EXOC6B: variants seen among roughly 807,000 people sequenced by gnomAD.
EXOC6B encodes exocyst complex component 6B, also known as SEC15 homolog B.
Under a neutral mutation model 113.5 loss-of-function variants are expected in EXOC6B, and 54 were observed. That is an observed-to-expected ratio of 0.48 (90% CI 0.38 to 0.60). The LOEUF (loss-of-function observed/expected upper bound fraction) is 0.60, where lower values mean the gene tolerates loss of function less well. Ranked by LOEUF, EXOC6B falls within the 20% of genes least tolerant of loss-of-function variation. The probability of loss-of-function intolerance (pLI) is 0.00; values close to 1 mark genes in which losing one functional copy is unlikely to be tolerated. For synonymous variants in EXOC6B, 357 were observed against 339.0 expected (o/e 1.05, Z -0.58); for missense variants, 797 against 977.5 (o/e 0.82, Z 2.46).
At chr2:72,765,855 A>C (rs747280147) in intron 1 of EXOC6B, among the ~76,000 whole-genome samples, 1 of 152,190 alleles carries the variant, frequency 6.6e-6, no homozygotes, top group Non-Finnish European at 1.5e-5. Flanking sequence ...GAAAGGGAAC[A>C]AGCAGAAAGT....
chr2:72,223,927 T>C (rs1397596485), intron 20 of EXOC6B, among the ~76,000 whole-genome samples: 1 of 152,210 alleles, frequency 6.6e-6, no homozygotes, highest in East Asian at 1.9e-4. Flanking sequence ...CATTTTGGAA[T>C]ACAGGCGATT....
intron 6 of EXOC6B, among the ~76,000 whole-genome samples, chr2:72,659,797 G>A (rs540077456): frequency 7.2e-5 from 11 of 152,112 alleles, no homozygotes; most frequent in Non-Finnish European, 1.5e-4. Flanking sequence ...ACTTAGCTCT[G>A]TATTGTAAAC....
At chr2:72,421,340 A>G (rs1694855685) in intron 18 of EXOC6B, among the ~76,000 whole-genome samples, 1 of 152,230 alleles carries the variant, frequency 6.6e-6, no homozygotes, top group Non-Finnish European at 1.5e-5. Flanking sequence ...AAAATTTTGC[A>G]TGATACTAAC....
intron 20 of EXOC6B, among the ~76,000 whole-genome samples, chr2:72,298,243 G>T (rs1290353492): frequency 6.6e-5 from 10 of 151,578 alleles, no homozygotes; most frequent in African/African-American, 1.9e-4. Flanking sequence ...ATTATGTAGT[G>T]CCCTTGTCTC....
chr2:72,351,323 T>C (rs151197100), intron 19 of EXOC6B, among the ~76,000 whole-genome samples: 54 of 152,338 alleles, frequency 3.5e-4, no homozygotes, highest in Middle Eastern at 3.4e-3. Flanking sequence ...AAACGGTTCA[T>C]AGTCATTTGG....
At chr2:72,181,716 T>G (rs1275534752) in intron 21 of EXOC6B, among the ~76,000 whole-genome samples, 3 of 152,266 alleles carry the variant, frequency 2.0e-5, no homozygotes, top group East Asian at 3.9e-4. Context: ...GAGGGTAGTC[T>G]TTGGCCACAA....
chr2:72,197,869 C>T (rs1056043218), intron 20 of EXOC6B, among the ~76,000 whole-genome samples: 3 of 152,124 alleles, frequency 2.0e-5, no homozygotes, highest in African/African-American at 7.2e-5. Flanking sequence ...GTACATAATC[C>T]TCCTAAAGGC....
chr2:72,825,147 T>C lies in EXOC6B; in HGVS notation c.113+651A>G, dbSNP rs563276723. 2.0e-5 allele frequency among the ~76,000 whole-genome samples: 3 copies of C among 151,806 alleles called. No individual in the cohort carries two copies. The South Asian group carries it at 6.3e-4, about 32-fold the overall frequency. On this transcript the variant is annotated intron_variant, in intron 1 of 21. Transcript: ENST00000272427. The surrounding 1 kb of genome is among the most constrained non-coding windows in gnomAD (Gnocchi z 4.4). ...TCTCCAAATAAAATGGAGATGTGCG[T>C]GCAAAAAAAAATGATAACTGGGGGG...
At chr2:72,673,033 A>C (rs2104509335) in intron 6 of EXOC6B, among the ~76,000 whole-genome samples, 1 of 152,342 alleles carries the variant, frequency 6.6e-6, no homozygotes, top group East Asian at 1.9e-4. Flanking sequence ...AAATTATCAC[A>C]TATACCCTGA....
intron 8 of EXOC6B, among the ~76,000 whole-genome samples, chr2:72,550,703 C>T (rs973453143): frequency 6.6e-6 from 1 of 152,018 alleles, no homozygotes; most frequent in Non-Finnish European, 1.5e-5. Flanking sequence ...AACCAGTATG[C>T]CTTAGTTTCT....
At chr2:72,198,124 A>G (rs2104318474) in intron 20 of EXOC6B, among the ~76,000 whole-genome samples, 1 of 152,302 alleles carries the variant, frequency 6.6e-6, no homozygotes, top group Middle Eastern at 3.4e-3. Context: ...GCTGACATAT[A>G]TGTCCCACAA....
chr2:72,334,927 A>G lies in EXOC6B; in HGVS notation c.2196+20T>C. ...ACACATCTTAAAAGAAAAACAAAAA[A>G]CAAAAACACAAAGACTTACTTGTCT... On this transcript the variant is annotated intron_variant, in intron 20 of 21. Transcript: ENST00000272427. 1 of 1,612,256 alleles carries G rather than the reference A, an allele frequency of 6.2e-7. No individual in the cohort carries two copies. Among genetic ancestry groups the G allele is most frequent in the Non-Finnish European group, 8.5e-7 (1 of 1,178,660 alleles).
At chr2:72,504,437 T>G (rs1356452924) in intron 11 of EXOC6B, among the ~76,000 whole-genome samples, 1 of 152,230 alleles carries the variant, frequency 6.6e-6, no homozygotes, top group Non-Finnish European at 1.5e-5. Flanking sequence ...TTCTTTCATT[T>G]AACATTGTAC....
At chr2:72,194,528 T>C (rs981629274) in intron 20 of EXOC6B, among the ~76,000 whole-genome samples, 3 of 151,782 alleles carry the variant, frequency 2.0e-5, no homozygotes, top group South Asian at 2.1e-4. Context: ...TCCCGGTCTT[T>C]AGACAAATCC....
intron 6 of EXOC6B, among the ~76,000 whole-genome samples, chr2:72,636,301 G>GAGGGAGGC: frequency 7.2e-6 from 1 of 139,432 alleles, no homozygotes; most frequent in Non-Finnish European, 1.6e-5. Flanking sequence ...AGAAGGCAGG[G>GAGGGAGGC]AGGGAGGCAG....
intron 20 of EXOC6B, among the ~76,000 whole-genome samples, chr2:72,281,179 T>C (rs1411671915): frequency 6.6e-6 from 1 of 152,186 alleles, no homozygotes; most frequent in Non-Finnish European, 1.5e-5. Flanking sequence ...CAAAACTGCA[T>C]TGCTGCTGCA....
chr2:72,580,056 AAAAC>A (rs202056539), intron 6 of EXOC6B, among the ~76,000 whole-genome samples: 1 of 152,012 alleles, frequency 6.6e-6, no homozygotes, highest in African/African-American at 2.4e-5. Flanking sequence ...CTCTTGAATT[AAAAC>A]AAACAAACAA....
intron 20 of EXOC6B, among the ~76,000 whole-genome samples, chr2:72,249,091 G>A (rs1330700115): frequency 1.3e-5 from 2 of 152,022 alleles, no homozygotes; most frequent in Non-Finnish European, 2.9e-5. Context: ...TAGTGAGAGC[G>A]TGTGCCTCCA....
intron 19 of EXOC6B, among the ~76,000 whole-genome samples, chr2:72,361,516 C>G (rs1690313294): frequency 6.6e-6 from 1 of 151,998 alleles, no homozygotes; most frequent in Non-Finnish European, 1.5e-5. Flanking sequence ...GAATCTCGGA[C>G]CAAAGGTGGA....
Sources: gnomAD v4.1 joint callset for allele counts (sites outside exome capture counted in the v4.1 genomes callset) on GRCh38, gnomAD v4.1.1 for gene constraint, Gnocchi (gnomAD v3.1) non-coding constraint, MANE v1.5 for transcripts, NCBI Gene and HGNC (gene_info 2026-07-23, HGNC 2026-07-21) for gene names.